GRIK2: variants seen among roughly 807,000 people sequenced by gnomAD.
GRIK2 encodes glutamate receptor ionotropic, kainate 2.
In GRIK2, 32 loss-of-function variants were observed where a neutral mutation model predicts 100.3. That is an observed-to-expected ratio of 0.32 (90% CI 0.24 to 0.43). The LOEUF (loss-of-function observed/expected upper bound fraction) is 0.43. GRIK2 is among the 20% of genes least tolerant of loss of function. GRIK2 has a pLI of 1.00. For synonymous variants in GRIK2, 417 were observed against 389.4 expected, an observed-to-expected ratio of 1.07 and a Z score of -0.83; for missense variants, 843 against 1,114.9, an observed-to-expected ratio of 0.76 and a Z score of 3.47.
intron 2 of GRIK2, among the ~76,000 whole-genome samples, chr6:101,603,540 A>C (rs1277157546): frequency 1.3e-5 from 2 of 151,392 alleles, no homozygotes; most frequent in East Asian, 3.9e-4. Flanking sequence ...CTTAAAGGCT[A>C]CTCTCCGCAA....
chr6:101,512,899 G>A (rs1774389449), intron 2 of GRIK2, among the ~76,000 whole-genome samples: 1 of 151,832 alleles, frequency 6.6e-6, no homozygotes, highest in African/African-American at 2.4e-5. Context: ...TATGATTACT[G>A]TAAATAATGA....
intron 2 of GRIK2, among the ~76,000 whole-genome samples, chr6:101,508,256 C>T (rs1408662583): frequency 1.3e-5 from 2 of 152,036 alleles, no homozygotes; most frequent in Non-Finnish European, 2.9e-5. Flanking sequence ...CACTACCTGT[C>T]AGGTAGTATA....
intron 11 of GRIK2, among the ~76,000 whole-genome samples, chr6:101,881,425 C>T (rs1786234799): frequency 6.6e-6 from 1 of 151,616 alleles, no homozygotes; most frequent in African/African-American, 2.4e-5. Context: ...TTTAGTGCAG[C>T]ACTATGCTCA....
At chr6:101,544,409 C>T (rs1409098436) in intron 2 of GRIK2, among the ~76,000 whole-genome samples, 5 of 152,112 alleles carry the variant, frequency 3.3e-5, no homozygotes, top group South Asian at 2.1e-4. Flanking sequence ...ATTTCCCTAT[C>T]GAACTAGGCC....
At chr6:101,624,916 T>G in intron 3 of GRIK2, among the ~76,000 whole-genome samples, 1 of 152,012 alleles carries the variant, frequency 6.6e-6, no homozygotes, top group African/African-American at 2.4e-5. Flanking sequence ...TTTGTTTCTT[T>G]TTGTTTGTTT....
intron 4 of GRIK2, among the ~76,000 whole-genome samples, chr6:101,669,911 G>T (rs1026656672): frequency 6.6e-6 from 1 of 151,984 alleles, no homozygotes; most frequent in African/African-American, 2.4e-5. Context: ...AATAAATATG[G>T]AAATATGAGA....
intron 7 of GRIK2, among the ~76,000 whole-genome samples, chr6:101,769,655 A>G (rs928384586): frequency 5.3e-5 from 8 of 152,172 alleles, no homozygotes; most frequent in Admixed American, 4.6e-4. Context: ...TTCTAAATAA[A>G]TGTATATACT....
intron 10 of GRIK2, among the ~76,000 whole-genome samples, chr6:101,841,655 C>G (rs1300412114): frequency 6.6e-6 from 1 of 152,084 alleles, no homozygotes; most frequent in Non-Finnish European, 1.5e-5. Flanking sequence ...TGAGCCACCC[C>G]GCCCAGCCTG....
At chr6:101,683,291 G>C (rs931000695) in intron 6 of GRIK2, among the ~76,000 whole-genome samples, 1 of 151,996 alleles carries the variant, frequency 6.6e-6, no homozygotes, top group Non-Finnish European at 1.5e-5. Flanking sequence ...CAGATGTATT[G>C]AAGCTGTCCT....
intron 2 of GRIK2, among the ~76,000 whole-genome samples, chr6:101,602,228 C>A (rs1779250570): frequency 6.6e-6 from 1 of 151,216 alleles, no homozygotes; most frequent in Non-Finnish European, 1.5e-5. Flanking sequence ...CTGTATAATT[C>A]TGTAGTTTTG....
chr6:101,626,224 A>C (rs1780430865), intron 3 of GRIK2, among the ~76,000 whole-genome samples, 156 bp from the exon 4 acceptor site: 1 of 152,310 alleles, frequency 6.6e-6, no homozygotes, highest in African/African-American at 2.4e-5. Context: ...TCAGAGTCAG[A>C]CAAAATTTTA....
intron 2 of GRIK2, among the ~76,000 whole-genome samples, chr6:101,408,652 G>A (rs145142675): frequency 2.2e-4 from 34 of 152,028 alleles, no homozygotes; most frequent in South Asian, 6.2e-4. Context: ...TTCTCAGGAG[G>A]GTCAGTCTTT....
intron 16 of GRIK2, among the ~76,000 whole-genome samples, chr6:102,060,448 A>T (rs1426188293): frequency 6.6e-6 from 1 of 150,772 alleles, no homozygotes; most frequent in Non-Finnish European, 1.5e-5. Flanking sequence ...TATAAGGAAA[A>T]CACGTAGCAA....
intron 2 of GRIK2, among the ~76,000 whole-genome samples, chr6:101,560,116 G>T (rs1455194209): frequency 6.6e-6 from 1 of 152,076 alleles, no homozygotes; most frequent in Non-Finnish European, 1.5e-5. Context: ...GTAGTCCTTA[G>T]AACCCAATAC....
chr6:101,977,717 T>G (rs571952374), intron 14 of GRIK2, among the ~76,000 whole-genome samples: 2 of 151,914 alleles, frequency 1.3e-5, no homozygotes, highest in Admixed American at 6.6e-5. Flanking sequence ...GGAAGGGAGA[T>G]TTTAGTGGAA....
chr6:101,869,131 C>T (rs1785231693), intron 11 of GRIK2, among the ~76,000 whole-genome samples: 2 of 151,798 alleles, frequency 1.3e-5, no homozygotes, highest in South Asian at 4.1e-4. Context: ...ACGTATTCTA[C>T]CTGAGGGATG....
chr6:101,915,457 C>A (rs189334926), intron 12 of GRIK2, among the ~76,000 whole-genome samples: 37 of 151,132 alleles, frequency 2.4e-4, no homozygotes, highest in Non-Finnish European at 4.9e-4. Flanking sequence ...ATAAGAAGAT[C>A]ACACAGTTTC....
chr6:101,994,596 AG>A (rs1562096387), intron 14 of GRIK2, among the ~76,000 whole-genome samples: 1 of 151,832 alleles, frequency 6.6e-6, no homozygotes, highest in African/African-American at 2.4e-5. Context: ...TGACTTATAA[AG>A]GGGAAATTTT....
chr6:101,608,956 G>A (rs1366855133), intron 2 of GRIK2, among the ~76,000 whole-genome samples: 1 of 151,692 alleles, frequency 6.6e-6, no homozygotes, highest in African/African-American at 2.4e-5. Flanking sequence ...TTTGGTCAGT[G>A]ACCTGCTTTG....
Sources: allele counts gnomAD v4.1 joint callset (sites outside exome capture counted in the v4.1 genomes callset), GRCh38; gene constraint gnomAD v4.1.1; transcripts MANE v1.5; gene names NCBI Gene and HGNC (gene_info 2026-07-23, HGNC 2026-07-21).